RGS6: variants seen among roughly 807,000 people sequenced by gnomAD.
RGS6 encodes the protein regulator of G-protein signaling 6.
Under a neutral mutation model 78.5 loss-of-function variants are expected in RGS6, and 30 were observed. That is an observed-to-expected ratio of 0.38 (90% CI 0.29 to 0.52). RGS6 has a LOEUF of 0.52. RGS6 is among the 20% of genes least tolerant of loss of function. The pLI is 0.85. For missense variants in RGS6, 495 were observed against 609.7 expected (o/e 0.81, Z 1.98); for synonymous variants, 206 against 206.0 (o/e 1.00, Z 0.00).
intron 2 of RGS6, among the ~76,000 whole-genome samples, chr14:72,177,286 A>G (rs560278074): frequency 5.9e-5 from 9 of 152,270 alleles, no homozygotes; most frequent in Admixed American, 3.3e-4. Flanking sequence ...AGGTAGGCCT[A>G]TTTGTATCTT....
intron 2 of RGS6, among the ~76,000 whole-genome samples, chr14:72,296,135 T>G (rs770619627): frequency 6.6e-6 from 1 of 152,228 alleles, no homozygotes; most frequent in Non-Finnish European, 1.5e-5. Context: ...TGTGTCTACT[T>G]TGTTTCACTT....
intron 2 of RGS6, among the ~76,000 whole-genome samples, chr14:72,184,400 A>G (rs1001212500): frequency 6.6e-6 from 1 of 151,976 alleles, no homozygotes; most frequent in East Asian, 1.9e-4. Flanking sequence ...ACACACACAC[A>G]CACACACACA....
At position 72,562,547 on chromosome 14, in the gene RGS6, T is replaced by C; in HGVS notation, c.*80T>C. The C allele has an allele frequency of 6.3e-7, 1 of 1,590,514 alleles. No homozygotes were observed. The highest frequency in any genetic ancestry group is 2.3e-5 in the East Asian group (1 of 44,282). On this transcript the variant is annotated 3_prime_UTR_variant, in exon 18 of 18. Coordinates refer to ENST00000553525, the MANE Select transcript of RGS6 (RefSeq NM_001204424.2). ...GGCGCTCCACATCTGCGGACAGAGT[T>C]TCCTTACGAGGAGACTTGGTCACTG...
At chr14:71,915,915 C>G in the RGS6 span, among the ~76,000 whole-genome samples, 2 of 152,246 alleles carry the variant, frequency 1.3e-5, no homozygotes, top group Non-Finnish European at 1.5e-5. Context: ...GATGCTCACA[C>G]GCAGAGGACA....
chr14:72,258,593 G>A (rs1299583609), intron 2 of RGS6, among the ~76,000 whole-genome samples: 4 of 152,188 alleles, frequency 2.6e-5, no homozygotes, highest in Non-Finnish European at 5.9e-5. Flanking sequence ...AGTCGATGGA[G>A]CACTTGACTT....
the RGS6 span, among the ~76,000 whole-genome samples, chr14:72,573,639 C>T: frequency 6.6e-6 from 1 of 152,174 alleles, no homozygotes; most frequent in South Asian, 2.1e-4. Context: ...CACTTCTTCT[C>T]CAACCAAAGA....
intron 3 of RGS6, among the ~76,000 whole-genome samples, chr14:72,417,381 CAATT>C (rs894996771): frequency 1.3e-5 from 2 of 152,114 alleles, no homozygotes; most frequent in African/African-American, 2.4e-5. Context: ...CCAGCCATGA[CAATT>C]AAGTGCATTT....
At chr14:71,893,379 T>C in the RGS6 span, among the ~76,000 whole-genome samples, 1 of 152,222 alleles carries the variant, frequency 6.6e-6, no homozygotes. Context: ...TCTCTAGGAT[T>C]TTGATCTCAA....
chr14:72,568,821 C>T (rs2097716975), downstream of RGS6, among the ~76,000 whole-genome samples: 1 of 152,212 alleles, frequency 6.6e-6, no homozygotes, highest in African/African-American at 2.4e-5. Context: ...AAGGACCTGC[C>T]TCCGTCCTCT....
At chr14:71,964,360 G>A (rs1403600611) in intron 1 of RGS6, among the ~76,000 whole-genome samples, 3 of 152,170 alleles carry the variant, frequency 2.0e-5, no homozygotes, top group Non-Finnish European at 4.4e-5. Flanking sequence ...TACAAAAATA[G>A]CTGGGTGTGG....
the RGS6 span, among the ~76,000 whole-genome samples, chr14:72,610,748 CTGGCTCT>C: frequency 2.6e-5 from 4 of 152,334 alleles, no homozygotes; most frequent in East Asian, 7.7e-4. Flanking sequence ...AGCTCAGCCA[CTGGCTCT>C]TGGGCTCCCA....
intron 3 of RGS6, among the ~76,000 whole-genome samples, chr14:72,408,916 G>A (rs1235615168): frequency 6.6e-6 from 1 of 152,036 alleles, no homozygotes; most frequent in Non-Finnish European, 1.5e-5. Context: ...GTCTTCTTTG[G>A]GTTCCATCTT....
At chr14:72,337,534 A>G (rs1416305952) in intron 2 of RGS6, among the ~76,000 whole-genome samples, 1 of 152,018 alleles carries the variant, frequency 6.6e-6, no homozygotes, top group Non-Finnish European at 1.5e-5. Context: ...AGACAGCAAC[A>G]TCCCCATCCA....
At chr14:72,057,656 A>C (rs370842578) in intron 2 of RGS6, among the ~76,000 whole-genome samples, 3 of 152,144 alleles carry the variant, frequency 2.0e-5, no homozygotes, top group Non-Finnish European at 1.5e-5. Context: ...ATTTTAACTC[A>C]TTATTAAACT....
intron 3 of RGS6, among the ~76,000 whole-genome samples, chr14:72,433,018 A>G (rs578091133): frequency 2.6e-5 from 4 of 152,320 alleles, no homozygotes; most frequent in Non-Finnish European, 5.9e-5. Context: ...CTCATAGGGT[A>G]TAAGTGATTA....
At chr14:72,254,145 CA>C (rs2153854201) in intron 2 of RGS6, among the ~76,000 whole-genome samples, 1 of 152,294 alleles carries the variant, frequency 6.6e-6, no homozygotes, top group Non-Finnish European at 1.5e-5. Context: ...TGAACATTTT[CA>C]AAGGTATGAA....
chr14:72,001,006 T>G lies in RGS6; in HGVS notation c.84+36131T>G, dbSNP rs2083318907. Among the ~76,000 whole-genome samples the G allele has an allele frequency of 2.0e-5, 3 of 152,226 alleles. No individual in the cohort carries two copies. In the South Asian group the frequency reaches 6.2e-4, roughly 32 times the overall value. On this transcript the variant is annotated intron_variant, in intron 2 of 17. Transcript: ENST00000553525. ...AAGACTTTTCTTAAGAAAAAGCAAG[T>G]TGAAAGAGGAACACCCTTTAGTTTC...
chr14:72,258,522 C>T (rs1050723334), intron 2 of RGS6, among the ~76,000 whole-genome samples: 6 of 152,304 alleles, frequency 3.9e-5, no homozygotes, highest in Middle Eastern at 3.4e-3. Context: ...CTATAGTACC[C>T]AAGTCTGGGT....
intron 2 of RGS6, among the ~76,000 whole-genome samples, chr14:72,217,323 A>G (rs116347832): frequency 0.012 from 1,851 of 152,258 alleles, 39 homozygotes; most frequent in African/African-American, 0.042. Context: ...AGCCATTACA[A>G]CCTCATCAGT....
Sources: allele counts gnomAD v4.1 joint callset (sites outside exome capture counted in the v4.1 genomes callset), GRCh38; gene constraint gnomAD v4.1.1; transcripts MANE v1.5; gene names NCBI Gene and HGNC (gene_info 2026-07-23, HGNC 2026-07-21).